The following ATP11A variants were observed in gnomAD, a reference collection of about 807,000 sequenced individuals.
ATP11A encodes the protein phospholipid-transporting ATPase IH.
In ATP11A, 81 loss-of-function variants were observed where a neutral mutation model predicts 154.4. The ratio of observed to expected loss-of-function variants is 0.52; its 90% CI spans 0.44 to 0.63. The LOEUF is 0.63. ATP11A is among the 30% of genes least tolerant of loss of function. ATP11A has a pLI of 0.00. For missense variants in ATP11A, 1,316 were observed against 1,474.3 expected (o/e 0.89, Z 1.76); for synonymous variants, 623 against 585.9 (o/e 1.06, Z -0.91).
At chr13:112,868,999 G>C (rs2080427814) in intron 25 of ATP11A, among the ~76,000 whole-genome samples, 2 of 151,940 alleles carry the variant, frequency 1.3e-5, no homozygotes, top group South Asian at 4.2e-4. Context: ...AACGAGATCT[G>C]CAAGGAGGAC....
In ATP11A at chr13:112,701,089, C is replaced by G. The variant is rs368941606; in HGVS notation, c.39+10634C>G. Among the ~76,000 whole-genome samples the G allele has an allele frequency of 4.2e-4, 64 of 152,288 alleles. No homozygotes were observed. The South Asian group carries it at 0.013, about 30-fold the overall frequency. On this transcript the variant is annotated intron_variant, in intron 1 of 29. Coordinates refer to ENST00000375645, the MANE Select transcript of ATP11A (RefSeq NM_015205.3). ...GGGGGCAGGAGTGGCCGGCGGCCAC[C>G]TGAGAATGGGAGTGGCACCCGAATA...
At chr13:112,828,759 A>G (rs952842399) in intron 12 of ATP11A, among the ~76,000 whole-genome samples, 1 of 152,204 alleles carries the variant, frequency 6.6e-6, no homozygotes, top group African/African-American at 2.4e-5. Context: ...TACACAAAGA[A>G]GTGTGTACTG....
chr13:112,705,891 A>G (rs1887090929), intron 1 of ATP11A, among the ~76,000 whole-genome samples: 1 of 152,218 alleles, frequency 6.6e-6, no homozygotes, highest in East Asian at 1.9e-4. Context: ...TATTGTGGCA[A>G]AACATACATA....
chr13:112,773,745 G>A (rs752739227), intron 1 of ATP11A, among the ~76,000 whole-genome samples: 2 of 152,368 alleles, frequency 1.3e-5, no homozygotes, highest in East Asian at 3.9e-4. Flanking sequence ...GTTTTTAGTC[G>A]TGGTGCCCTC....
Position 112,883,031 on chromosome 13 carries a change from ATCCCGTCACCTCG to A in ATP11A, c.*1170_*1182del. The A allele has an allele frequency of 8.0e-6, 3 of 376,774 alleles. No individual in the cohort carries two copies. Among genetic ancestry groups the A allele is most frequent in the Non-Finnish European group, 1.4e-5 (3 of 219,896 alleles). The allele number at this position is 376,774 out of a possible 1,614,324, so 23.3% of individuals were successfully genotyped here. ...CCTCGTCCCATCCCCACGTCCCCTC[ATCCCGTCACCTCG>A]TCCCCACATCCCCTTGCCCCGTCAC... On this transcript the variant is annotated 3_prime_UTR_variant, in exon 30 of 30. Coordinates refer to ENST00000375645, the MANE Select transcript of ATP11A (RefSeq NM_015205.3).
At chr13:112,710,363 A>G (rs978129138) in intron 1 of ATP11A, among the ~76,000 whole-genome samples, 8 of 152,228 alleles carry the variant, frequency 5.3e-5, no homozygotes, top group African/African-American at 1.4e-4. Flanking sequence ...TGTGACTGGA[A>G]AAATCAGTGT....
At chr13:112,811,842 G>C (rs2078510240) in intron 5 of ATP11A, 1 of 152,236 alleles carries the variant, frequency 6.6e-6, no homozygotes, top group Non-Finnish European at 1.5e-5. Context: ...TCCTGACCTT[G>C]TGATCCGCCT....
intron 14 of ATP11A, among the ~76,000 whole-genome samples, chr13:112,834,263 G>A (rs9577853): frequency 1.7e-3 from 256 of 152,346 alleles, no homozygotes; most frequent in Non-Finnish European, 3.1e-3. Context: ...GAATCAATGA[G>A]CAAAAGTGTC....
chr13:112,731,321 GA>G (rs1274955424), intron 1 of ATP11A, among the ~76,000 whole-genome samples: 5 of 140,110 alleles, frequency 3.6e-5, no homozygotes, highest in African/African-American at 1.7e-4. Context: ...TATTACTAAA[GA>G]AAACAGATTA....
intron 1 of ATP11A, among the ~76,000 whole-genome samples, chr13:112,770,834 G>A (rs1241863155): frequency 6.6e-6 from 1 of 152,184 alleles, no homozygotes; most frequent in Non-Finnish European, 1.5e-5. Flanking sequence ...AAGTGCCCAC[G>A]ATCTTCTGAC....
intron 1 of ATP11A, among the ~76,000 whole-genome samples, chr13:112,729,374 T>C (rs113841506): frequency 0.053 from 8,033 of 150,928 alleles, 667 homozygotes; most frequent in African/African-American, 0.18. Context: ...CCCCTCGCCT[T>C]AGCATTGCGG....
At chr13:112,761,247 A>G (rs1478839400) in intron 1 of ATP11A, among the ~76,000 whole-genome samples, 1 of 152,208 alleles carries the variant, frequency 6.6e-6, no homozygotes, top group Non-Finnish European at 1.5e-5. Context: ...ATGCGGGTAC[A>G]CCTAAGAGAA....
chr13:112,833,215 C>T (rs910284145), intron 14 of ATP11A, among the ~76,000 whole-genome samples, 192 bp downstream of exon 14: 8 of 152,192 alleles, frequency 5.3e-5, no homozygotes, highest in African/African-American at 1.7e-4. Flanking sequence ...TGATAAGCAG[C>T]GTCTGGTCCC....
chr13:112,732,725 C>T (rs1335444426), intron 1 of ATP11A, among the ~76,000 whole-genome samples: 1 of 152,214 alleles, frequency 6.6e-6, no homozygotes, highest in African/African-American at 2.4e-5. Flanking sequence ...GATTCTTACG[C>T]CTCATCCTCC....
In ATP11A at chr13:112,857,860, T is replaced by G. The variant is rs1199228431; in HGVS notation, c.2461T>G (p.Leu821Val). The change falls in exon 21 of 30, where the codon TTA becomes GTA. Residue 821 changes from leucine to valine, a missense_variant. Leu to Val is a conservative substitution (Grantham distance 32). Coordinates refer to ENST00000375645, the MANE Select transcript of ATP11A (RefSeq NM_015205.3). ...ATTTTCAAAAGAGCACCCAATCACG[T>G]TAGCAATTGGCGATGGTGCAAATGA... ...IKFSKEHPIT[L>V]AIGDGANDVS... is the part of the protein sequence containing the mutation. 4.3e-6 allele frequency: 7 copies of G among 1,614,102 alleles called. No individual in the cohort carries two copies. Among genetic ancestry groups the G allele is most frequent in the Non-Finnish European group, 5.9e-6 (7 of 1,180,034 alleles).
intron 5 of ATP11A, among the ~76,000 whole-genome samples, chr13:112,814,656 CAGTT>C (rs2062290014): frequency 6.6e-6 from 1 of 152,190 alleles, no homozygotes; most frequent in African/African-American, 2.4e-5. Flanking sequence ...CTGTCCCAGT[CAGTT>C]AAACACATTT....
chr13:112,800,641 C>T (rs9550212), intron 2 of ATP11A, among the ~76,000 whole-genome samples: 33 of 151,956 alleles, frequency 2.2e-4, no homozygotes, highest in East Asian at 7.7e-4. Context: ...TTTTCTAATT[C>T]GTTCTATGAG....
chr13:112,757,028 A>G (rs2076857239), intron 1 of ATP11A, among the ~76,000 whole-genome samples: 1 of 152,276 alleles, frequency 6.6e-6, no homozygotes, highest in South Asian at 2.1e-4. Context: ...TTTAGTCCAC[A>G]TTGATGTGAG....
Position 112,828,574 on chromosome 13 carries a change from G to T in ATP11A, c.1221+1683G>T, listed in dbSNP as rs1364046914. ...AAGCGCCAAGAAGTGTTGAGTGCGG[G>T]GGAAAGTGCCCAGCGGTGTTGAGTG... On this transcript the variant is annotated intron_variant, in intron 12 of 29. Coordinates refer to ENST00000375645, the MANE Select transcript of ATP11A (RefSeq NM_015205.3). 2.0e-5 allele frequency among the ~76,000 whole-genome samples: 3 copies of T among 151,388 alleles called. No homozygotes were observed. In the East Asian group the frequency reaches 5.9e-4, roughly 30 times the overall value.
Sources: allele counts gnomAD v4.1 joint callset (sites outside exome capture counted in the v4.1 genomes callset), GRCh38; gene constraint gnomAD v4.1.1; transcripts MANE v1.5; gene names NCBI Gene and HGNC (gene_info 2026-07-23, HGNC 2026-07-21).